RBFOX1: variants seen among roughly 807,000 people sequenced by gnomAD.
RBFOX1 encodes the protein RNA binding protein fox-1 homolog 1.
Under a neutral mutation model 57.7 loss-of-function variants are expected in RBFOX1, and 8 were observed. The ratio of observed to expected loss-of-function variants is 0.14; its 90% CI spans 0.08 to 0.25. The LOEUF (loss-of-function observed/expected upper bound fraction) is 0.25. Among genes scored for constraint, RBFOX1 ranks in the 10% least tolerant of loss-of-function variants. RBFOX1 has a pLI of 1.00. For synonymous variants in RBFOX1, 326 were observed against 222.4 expected (o/e 1.47, Z -4.15); for missense variants, 611 against 548.5 (o/e 1.11, Z -1.14).
chr16:5,599,482 G>T (rs958308752), exon 3 of RBFOX1: 1 of 502,004 alleles, frequency 2.0e-6, no homozygotes, highest in Admixed American at 3.7e-5. Flanking sequence ...AATAACAGTG[G>T]CCAGGAAGTT....
chr16:6,814,867 T>C (rs905166839), intron 3 of RBFOX1, among the ~76,000 whole-genome samples: 5 of 152,146 alleles, frequency 3.3e-5, no homozygotes, highest in African/African-American at 4.8e-5. Context: ...GAGAGGGTTC[T>C]TGGACCTTGC....
chr16:7,580,371 T>C (rs1437358204), intron 6 of RBFOX1, among the ~76,000 whole-genome samples: 1 of 152,164 alleles, frequency 6.6e-6, no homozygotes, highest in African/African-American at 2.4e-5. Flanking sequence ...GCACTGTGCA[T>C]TTAGATTTCA....
chr16:6,926,083 A>G (rs2075531428), intron 3 of RBFOX1, among the ~76,000 whole-genome samples: 1 of 152,130 alleles, frequency 6.6e-6, no homozygotes, highest in Admixed American at 6.5e-5. Flanking sequence ...AGGTGGGTTG[A>G]TCACTTGAGG....
At chr16:6,127,960 A>G (rs1418457974) in intron 1 of RBFOX1, among the ~76,000 whole-genome samples, 2 of 152,174 alleles carry the variant, frequency 1.3e-5, no homozygotes. Context: ...CTAGAAATGT[A>G]TCTGAAAACC....
chr16:6,514,261 A>C (rs1276024861), intron 2 of RBFOX1, among the ~76,000 whole-genome samples: 1 of 152,150 alleles, frequency 6.6e-6, no homozygotes, highest in African/African-American at 2.4e-5. Context: ...ACACACGTAC[A>C]CGGGCAATCC....
chr16:6,202,995 T>G (rs905792110), intron 1 of RBFOX1, among the ~76,000 whole-genome samples: 7 of 151,992 alleles, frequency 4.6e-5, no homozygotes, highest in Admixed American at 4.6e-4. Flanking sequence ...AGGCTGGTCT[T>G]GAAATCCTGG....
chr16:5,742,869 C>A (rs978589256), intron 3 of RBFOX1, among the ~76,000 whole-genome samples: 1 of 152,094 alleles, frequency 6.6e-6, no homozygotes, highest in Admixed American at 6.6e-5. Context: ...TTCATTTGGG[C>A]CGAGAGATGG....
rs1387464031 is a variant in RBFOX1, at chr16:5,657,759, A to C, written c.318+58798A>C. ...TTTCTTTTTTTTTTTTTGAGACAGA[A>C]TCTCACTCTGTCACCCAGGTTGGAG... On this transcript the variant is annotated intron_variant, in intron 3 of 19. Transcript: ENST00000641259. Among the ~76,000 whole-genome samples, 5 of 125,890 alleles carry C rather than the reference A, an allele frequency of 4.0e-5. No individual in the cohort carries two copies. The East Asian group carries it at 9.0e-4, about 23-fold the overall frequency. 82.6% of individuals were successfully genotyped at this position (125,890 alleles called of 152,430 possible).
chr16:7,069,756 G>C (rs984185732), intron 4 of RBFOX1, among the ~76,000 whole-genome samples: 1 of 152,110 alleles, frequency 6.6e-6, no homozygotes, highest in African/African-American at 2.4e-5. Flanking sequence ...TCTACAATGG[G>C]ATTAAGCCCC....
At chr16:6,930,728 A>G (rs1597537441) in intron 3 of RBFOX1, among the ~76,000 whole-genome samples, 2 of 152,102 alleles carry the variant, frequency 1.3e-5, no homozygotes, top group Admixed American at 6.5e-5. Flanking sequence ...CGTTTTTAAA[A>G]TGGGTTTAAC....
At chr16:5,413,710 T>G (rs1012445084) in intron 1 of RBFOX1, among the ~76,000 whole-genome samples, 1 of 152,182 alleles carries the variant, frequency 6.6e-6, no homozygotes, top group African/African-American at 2.4e-5. Context: ...TTAAAGCAAG[T>G]CTCTTTCTCG....
intron 3 of RBFOX1, among the ~76,000 whole-genome samples, chr16:6,864,650 G>A (rs978484288): frequency 6.7e-6 from 1 of 148,606 alleles, no homozygotes; most frequent in East Asian, 2.0e-4. Context: ...TGTTTTATTT[G>A]TTCTTGATGG....
At chr16:6,702,617 A>T (rs940093081) in intron 3 of RBFOX1, among the ~76,000 whole-genome samples, 3 of 152,174 alleles carry the variant, frequency 2.0e-5, no homozygotes, top group African/African-American at 4.8e-5. Flanking sequence ...AGTTCTGCTG[A>T]AGACTAAATG....
chr16:7,399,309 C>T (rs1251273796), intron 4 of RBFOX1, among the ~76,000 whole-genome samples: 3 of 150,942 alleles, frequency 2.0e-5, no homozygotes, highest in Non-Finnish European at 2.9e-5. Context: ...TAGCCAAGTG[C>T]GATGGCGCAT....
chr16:5,787,702 G>A (rs147587427), intron 3 of RBFOX1, among the ~76,000 whole-genome samples: 523 of 152,292 alleles, frequency 3.4e-3, no homozygotes, highest in Non-Finnish European at 5.5e-3. Context: ...ACAGGAAGGC[G>A]AGCCCAGGAG....
intron 1 of RBFOX1, among the ~76,000 whole-genome samples, chr16:5,376,107 G>T (rs796520640): frequency 1.8e-4 from 28 of 151,900 alleles, no homozygotes; most frequent in African/African-American, 6.0e-4. Flanking sequence ...GGCAGAGGTT[G>T]CAGTGAGCTG....
chr16:5,798,742 G>A (rs535598117), intron 3 of RBFOX1, among the ~76,000 whole-genome samples: 6 of 152,312 alleles, frequency 3.9e-5, no homozygotes, highest in Non-Finnish European at 7.4e-5. Flanking sequence ...TGTGGCAGAA[G>A]GAAAATCTTA....
At chr16:7,244,382 C>T (rs1465434950) in intron 4 of RBFOX1, among the ~76,000 whole-genome samples, 1 of 152,100 alleles carries the variant, frequency 6.6e-6, no homozygotes, top group Non-Finnish European at 1.5e-5. Context: ...TCCCCATGGA[C>T]CATGCTGGTC....
intron 3 of RBFOX1, among the ~76,000 whole-genome samples, chr16:6,843,712 A>G (rs2093614861): frequency 6.6e-6 from 1 of 152,140 alleles, no homozygotes; most frequent in East Asian, 1.9e-4. Context: ...AAAATTATAA[A>G]AAAGCTTTAC....
Sources: allele counts gnomAD v4.1 joint callset (sites outside exome capture counted in the v4.1 genomes callset), GRCh38; gene constraint gnomAD v4.1.1; transcripts MANE v1.5; gene names NCBI Gene and HGNC (gene_info 2026-07-23, HGNC 2026-07-21).